ST18: variants seen among roughly 807,000 people sequenced by gnomAD.
ST18 encodes ST18 C2H2C-type zinc finger transcription factor.
ST18 carries 50 observed loss-of-function variants against 110.0 expected under a neutral mutation model. The ratio of observed to expected loss-of-function variants is 0.45; its 90% confidence interval spans 0.36 to 0.58. ST18 has a LOEUF of 0.58. Among genes scored for constraint, ST18 ranks in the 20% least tolerant of loss-of-function variants. The pLI is 0.00. For missense variants in ST18, 1,306 were observed against 1,280.1 expected (o/e 1.02, Z -0.31); for synonymous variants, 461 against 452.4 (o/e 1.02, Z -0.24).
intron 2 of ST18, among the ~76,000 whole-genome samples, chr8:52,360,634 G>A (rs1056487208): frequency 6.6e-6 from 1 of 152,124 alleles, no homozygotes; most frequent in African/African-American, 2.4e-5. Flanking sequence ...GAGGCAAATT[G>A]TAGGCATTAT....
At chr8:52,139,617 A>T (rs1369740030) in intron 17 of ST18, among the ~76,000 whole-genome samples, 4 of 152,232 alleles carry the variant, frequency 2.6e-5, no homozygotes, top group African/African-American at 7.2e-5. Context: ...CGGCCTCCCA[A>T]AGTGCTGGGA....
In ST18 at chr8:52,343,484, C is replaced by T. The variant is rs139890260; in HGVS notation, c.-465+65844G>A. 6.2e-3 allele frequency among the ~76,000 whole-genome samples: 950 copies of T among 152,258 alleles called. 2 individuals carry two copies. Among genetic ancestry groups the T allele is most frequent in the Non-Finnish European group, 9.0e-3 (610 of 68,024 alleles). On this transcript the variant is annotated intron_variant, in intron 2 of 25. Transcript: ENST00000689386. ...TTATAAAATCTCCCCTAAGAACAAA[C>T]GGTGGGGACCGTGCTGGCTTTATAA...
At chr8:52,269,416 A>T (rs1030294988) in intron 2 of ST18, among the ~76,000 whole-genome samples, 7 of 152,206 alleles carry the variant, frequency 4.6e-5, no homozygotes, top group Non-Finnish European at 1.0e-4. Context: ...GTTGTCACTT[A>T]ATAGGATGTT....
chr8:52,270,485 G>T (rs1483574850), intron 2 of ST18, among the ~76,000 whole-genome samples: 1 of 152,112 alleles, frequency 6.6e-6, no homozygotes, highest in Non-Finnish European at 1.5e-5. Flanking sequence ...ATATAGCACA[G>T]CATTGTTACC....
intron 2 of ST18, among the ~76,000 whole-genome samples, chr8:52,237,842 A>C (rs2092892441): frequency 6.6e-6 from 1 of 152,066 alleles, no homozygotes; most frequent in South Asian, 2.1e-4. Flanking sequence ...TGTATCTAGA[A>C]TAAATAAAAC....
chr8:52,210,018 A>G, intron 8 of ST18: 1 of 454,442 alleles, frequency 2.2e-6, no homozygotes, highest in Non-Finnish European at 4.4e-6. Flanking sequence ...TGTTTTCAAG[A>G]AACGTCACTA....
At chr8:52,409,300 A>G (rs990443493) in intron 2 of ST18, 28 bp downstream of exon 2, 6 of 152,234 alleles carry the variant, frequency 3.9e-5, no homozygotes, top group Non-Finnish European at 8.8e-5. Flanking sequence ...AAAATAACTT[A>G]AATGCATTTT....
intron 12 of ST18, among the ~76,000 whole-genome samples, chr8:52,164,690 G>C (rs1587467344): frequency 6.6e-6 from 1 of 152,326 alleles, no homozygotes; most frequent in Admixed American, 6.5e-5. Flanking sequence ...CAATTTCAGT[G>C]AAGTGATGTT....
Position 52,399,750 on chromosome 8 carries a change from T to G in ST18, c.-465+9578A>C, listed in dbSNP as rs77711303. ...TTTGCGAATTTTTCAAGATTCCTCC[T>G]GTTGTCGACTTCTAGTTTCATACTG... On this transcript the variant is annotated intron_variant, in intron 2 of 25. Coordinates refer to ENST00000689386, the MANE Select transcript of ST18 (RefSeq NM_001352837.2). Among the ~76,000 whole-genome samples, 488 of 152,188 alleles carry G rather than the reference T, an allele frequency of 3.2e-3. 4 individuals are homozygous for G. Among genetic ancestry groups the G allele is most frequent in the African/African-American group, 0.011 (470 of 41,580 alleles).
chr8:52,327,885 C>T (rs1234673559), intron 2 of ST18, among the ~76,000 whole-genome samples: 3 of 152,202 alleles, frequency 2.0e-5, no homozygotes, highest in Non-Finnish European at 4.4e-5. Context: ...GAAATGCTTC[C>T]ACAGGAAAAC....
chr8:52,350,243 TTA>T (rs1819680344), intron 2 of ST18, among the ~76,000 whole-genome samples: 3 of 152,214 alleles, frequency 2.0e-5, no homozygotes, highest in African/African-American at 7.2e-5. Flanking sequence ...GAAGCTCTTA[TTA>T]GGTATCCCAA....
chr8:52,369,364 T>C (rs773380881), intron 2 of ST18, among the ~76,000 whole-genome samples: 1 of 152,174 alleles, frequency 6.6e-6, no homozygotes, highest in Non-Finnish European at 1.5e-5. Flanking sequence ...TTCTGAGTCA[T>C]GCCCTTAAGA....
intron 2 of ST18, among the ~76,000 whole-genome samples, chr8:52,290,384 A>C (rs2095537742): frequency 6.6e-6 from 1 of 152,248 alleles, no homozygotes; most frequent in Admixed American, 6.5e-5. Context: ...AGACCTGCTC[A>C]GAGGTGAAGA....
intron 2 of ST18, among the ~76,000 whole-genome samples, chr8:52,357,865 T>A (rs973671777): frequency 6.6e-6 from 1 of 150,386 alleles, no homozygotes; most frequent in Non-Finnish European, 1.5e-5. Flanking sequence ...CTAAAAGACA[T>A]GTCTAGAGCG....
At chr8:52,382,749 A>G (rs988758410) in intron 2 of ST18, among the ~76,000 whole-genome samples, 3 of 151,058 alleles carry the variant, frequency 2.0e-5, no homozygotes, top group Non-Finnish European at 2.9e-5. Context: ...AAGTTCATTT[A>G]CAATTTTTTT....
chr8:52,256,051 A>G (rs1285470188), intron 2 of ST18, among the ~76,000 whole-genome samples: 1 of 152,218 alleles, frequency 6.6e-6, no homozygotes, highest in East Asian at 1.9e-4. Context: ...GGAGCCTCCT[A>G]GCCTGTGAGG....
rs1159770176 is a variant in ST18, at chr8:52,250,445, C to CAAAAAAAAAAAAAAAAAAAA, written c.-464-20388_-464-20369dup. ...TGACACTGTGGAAGAGCCTCAAAGG[C>CAAAAAAAAAAAAAAAAAAAA]AAAAAAAAAAAAAAAAAAAAAAAAA... is the stretch of plus-strand genomic sequence containing the variant. On this transcript the variant is annotated intron_variant, in intron 2 of 25. Transcript: ENST00000689386. Among the ~76,000 whole-genome samples the CAAAAAAAAAAAAAAAAAAAA allele has an allele frequency of 1.6e-3, 7 of 4,280 alleles. 1 individual carries two copies. The highest frequency in any genetic ancestry group is 2.9e-3 in the African/African-American group (3 of 1,018). The allele number at this position is 4,280 out of a possible 152,430, so 2.8% of individuals were successfully genotyped here.
chr8:52,386,134 A>C (rs906817719), intron 2 of ST18, among the ~76,000 whole-genome samples: 1 of 152,226 alleles, frequency 6.6e-6, no homozygotes, highest in African/African-American at 2.4e-5. Flanking sequence ...ACGTCCATCC[A>C]ATGAGAAGGG....
intron 2 of ST18, among the ~76,000 whole-genome samples, chr8:52,263,610 GTTT>G (rs58618036): frequency 1.6e-5 from 2 of 128,214 alleles, no homozygotes; most frequent in Admixed American, 7.6e-5. Flanking sequence ...TTTTTGTTTT[GTTT>G]TTTTTTTTTT....
Sources: allele counts gnomAD v4.1 joint callset (sites outside exome capture counted in the v4.1 genomes callset), GRCh38; gene constraint gnomAD v4.1.1; transcripts MANE v1.5; gene names NCBI Gene and HGNC (gene_info 2026-07-23, HGNC 2026-07-21).